COL13A1: variants seen among roughly 807,000 people sequenced by gnomAD.
COL13A1 encodes the protein collagen alpha-1(XIII) chain.
In COL13A1, 89 loss-of-function variants were observed where a neutral mutation model predicts 130.9. The ratio of observed to expected loss-of-function variants is 0.68; its 90% CI spans 0.57 to 0.81. The LOEUF (loss-of-function observed/expected upper bound fraction) is 0.81. Ranked by LOEUF, COL13A1 falls within the 30% of genes least tolerant of loss-of-function variation. The pLI is 0.00. For missense variants in COL13A1, 879 were observed against 934.6 expected (o/e 0.94, Z 0.78); for synonymous variants, 402 against 341.6 (o/e 1.18, Z -1.95).
At chr10:69,930,209 A>AG (rs2065922949) in intron 29 of COL13A1, 122 bp downstream of exon 29, 2 of 685,544 alleles carry the variant, frequency 2.9e-6, no homozygotes, top group African/African-American at 3.9e-5. Flanking sequence ...GGAAGGGGAG[A>AG]TGGGGGGGGG....
intron 2 of COL13A1, among the ~76,000 whole-genome samples, chr10:69,853,385 G>A (rs1855518457): frequency 1.3e-5 from 2 of 152,006 alleles, no homozygotes; most frequent in Admixed American, 6.6e-5. Context: ...GAGTGACCTC[G>A]ACTCAGCTTC....
intron 40 of COL13A1, 82 bp downstream of exon 40, chr10:69,957,124 A>G (rs2136462070): frequency 7.9e-7 from 1 of 1,262,392 alleles, no homozygotes; most frequent in Admixed American, 1.7e-5. Flanking sequence ...CTGCCTTGCT[A>G]CAGATGAGGC....
In COL13A1 at chr10:69,930,104, T is replaced by G; in HGVS notation, c.1530+17T>G. 1 of 1,613,412 alleles carries G rather than the reference T, an allele frequency of 6.2e-7. No individual in the cohort carries two copies. The highest frequency in any genetic ancestry group is 8.5e-7 in the Non-Finnish European group (1 of 1,179,504). On this transcript the variant is annotated intron_variant, in intron 29 of 40. Transcript: ENST00000645393. ...GGGGAAAAGGTATGAACAGACGTCC[T>G]CTGGTCAAACCTCTGAAGACAGTCT...
intron 2 of COL13A1, among the ~76,000 whole-genome samples, chr10:69,840,510 T>C (rs1851318597): frequency 6.6e-6 from 1 of 152,106 alleles, no homozygotes; most frequent in Non-Finnish European, 1.5e-5. Context: ...ATGTCCTGAG[T>C]TCCCCTCCCC....
chr10:69,871,494 G>A (rs887432146), intron 3 of COL13A1, among the ~76,000 whole-genome samples: 4 of 152,136 alleles, frequency 2.6e-5, no homozygotes, highest in Non-Finnish European at 4.4e-5. Flanking sequence ...ACTCCCCACC[G>A]ACTGGTGGGT....
At chr10:69,917,649 A>G (rs2064092171) in intron 18 of COL13A1, among the ~76,000 whole-genome samples, 1 of 152,108 alleles carries the variant, frequency 6.6e-6, no homozygotes, top group Non-Finnish European at 1.5e-5. Context: ...CACTTTGGGC[A>G]TCATCTATCT....
chr10:69,930,498 A>G lies in COL13A1; in HGVS notation c.1629A>G (p.Pro543=). The G allele has an allele frequency of 1.2e-6, 2 of 1,613,878 alleles. No individual in the cohort carries two copies. The highest frequency in any genetic ancestry group is 1.7e-6 in the Non-Finnish European group (2 of 1,179,842). Residue 543 remains proline, a synonymous_variant, in exon 30 of 41, where the codon CCA becomes CCG. Coordinates refer to ENST00000645393, the MANE Select transcript of COL13A1 (RefSeq NM_001368882.1). ...GAGTGAAGGGAGAAAACGGGCACCC[A>G]GGGAGCCCAGGAGAGAAGGGGGAAA... ...PPGVKGENGH[P]GSPGEKGEKG... is the part of the protein sequence containing the mutation.
At chr10:69,936,157 GAAGGAAGGAAGGAAGGAAGGA>G (rs1405114276) in intron 32 of COL13A1, among the ~76,000 whole-genome samples, 7,596 of 20,848 alleles carry the variant, frequency 0.36, 545 homozygotes, top group Non-Finnish European at 0.43. Context: ...AGGAAGGAAG[GAAGGAAGGAAGGAAGGAAGGA>G]AAGGAAAGGA....
intron 2 of COL13A1, among the ~76,000 whole-genome samples, chr10:69,864,799 C>G (rs994649863): frequency 2.0e-5 from 3 of 152,136 alleles, no homozygotes; most frequent in African/African-American, 7.2e-5. Context: ...GTGGCCTCAG[C>G]AGGAAGCTGA....
chr10:69,929,103 A>C, intron 28 of COL13A1, 104 bp downstream of exon 28: 2 of 862,568 alleles, frequency 2.3e-6, no homozygotes, highest in Non-Finnish European at 1.8e-6. Flanking sequence ...CTACCACCAT[A>C]CCCTCCTGCT....
chr10:69,872,293 G>A lies in COL13A1; in HGVS notation c.399+83G>A. 3 of 1,528,062 alleles carry A rather than the reference G, an allele frequency of 2.0e-6. No homozygotes were observed. In the South Asian group the frequency reaches 3.5e-5, roughly 18 times the overall value. The allele number at this position is 1,528,062 out of a possible 1,614,324, so 94.7% of individuals were successfully genotyped here. On this transcript the variant is annotated intron_variant, in intron 4 of 40. Transcript: ENST00000645393. ...TGAGGACTGGCTAGGTTGGGTGGCT[G>A]GTTTTTCTCCAGGTGTATCTGGGTG...
chr10:69,861,963 A>C (rs765569059), intron 2 of COL13A1, among the ~76,000 whole-genome samples: 8 of 152,284 alleles, frequency 5.3e-5, no homozygotes, highest in Non-Finnish European at 1.0e-4. Context: ...GCAAACGCTT[A>C]AGAAGTGGCT....
chr10:69,868,485 C>G (rs961702205), intron 3 of COL13A1, among the ~76,000 whole-genome samples: 1 of 152,220 alleles, frequency 6.6e-6, no homozygotes, highest in African/African-American at 2.4e-5. Flanking sequence ...GAGACTGCCT[C>G]CCTCAAGTAA....
rs757740109 is a variant in COL13A1, at chr10:69,887,445, T to G, written c.514-11T>G. 1.9e-6 allele frequency: 3 copies of G among 1,613,070 alleles called. No individual in the cohort carries two copies. Among genetic ancestry groups the G allele is most frequent in the South Asian group, 1.1e-5 (1 of 90,954 alleles). On this transcript the variant is annotated splice_polypyrimidine_tract_variant and intron_variant, in intron 7 of 40. Transcript: ENST00000645393. ...CTCAATCTCATGTGTCTCTTGTTTT[T>G]TTTTTTTCAGGGTCAACCAGGAACT...
At chr10:69,919,559 T>C in intron 20 of COL13A1, 106 bp from the exon 21 acceptor site, 1 of 399,120 alleles carries the variant, frequency 2.5e-6, no homozygotes, top group Non-Finnish European at 4.4e-6. Context: ...GAGGAAAAGC[T>C]TAAGGGACAA....
At chr10:69,937,144 C>G (rs2067036200) in intron 33 of COL13A1, among the ~76,000 whole-genome samples, 1 of 152,198 alleles carries the variant, frequency 6.6e-6, no homozygotes, top group South Asian at 2.1e-4. Context: ...TGGGGGGACT[C>G]TGCACTGGGC....
At chr10:69,833,276 G>A (rs990909061) in intron 2 of COL13A1, among the ~76,000 whole-genome samples, 5 of 152,200 alleles carry the variant, frequency 3.3e-5, no homozygotes, top group Admixed American at 2.6e-4. Context: ...GCCCTTCTGG[G>A]CAGTTACAAT....
intron 2 of COL13A1, among the ~76,000 whole-genome samples, chr10:69,841,438 A>G (rs1220542656): frequency 1.3e-5 from 2 of 152,204 alleles, no homozygotes; most frequent in Non-Finnish European, 2.9e-5. Context: ...GGCACGGAAT[A>G]AATGCTCTTC....
chr10:69,867,789 C>G lies in COL13A1; in HGVS notation c.365-9C>G, dbSNP rs1305194040. 2.8e-6 allele frequency: 2 copies of G among 718,574 alleles called. No homozygotes were observed. Among genetic ancestry groups the G allele is most frequent in the South Asian group, 1.5e-5 (1 of 67,596 alleles). 44.5% of individuals were successfully genotyped at this position (718,574 alleles called of 1,614,324 possible). On this transcript the variant is annotated splice_polypyrimidine_tract_variant and intron_variant, in intron 2 of 40. Coordinates refer to ENST00000645393, the MANE Select transcript of COL13A1 (RefSeq NM_001368882.1). ...ACACTGACCCAGGCATTTTCTCTCT[C>G]TCTTTCAGGACCTCCTGTAAGTACT...
Sources: allele counts gnomAD v4.1 joint callset (sites outside exome capture counted in the v4.1 genomes callset), GRCh38; gene constraint gnomAD v4.1.1; transcripts MANE v1.5; gene names NCBI Gene and HGNC (gene_info 2026-07-23, HGNC 2026-07-21).